LAMA3: variants seen among roughly 807,000 people sequenced by gnomAD.
The protein encoded by LAMA3 is laminin subunit alpha 3.
LAMA3 carries 281 observed loss-of-function variants against 402.0 expected under a neutral mutation model. That is an observed-to-expected ratio of 0.70 (90% CI 0.63 to 0.77). The LOEUF is 0.77. LAMA3 is among the 30% of genes least tolerant of loss of function. The probability of loss-of-function intolerance (pLI) is 0.00; values close to 1 mark genes in which losing one functional copy is unlikely to be tolerated. For synonymous variants in LAMA3, 1,431 were observed against 1,558.4 expected (o/e 0.92, Z 1.93); for missense variants, 3,840 against 4,215.5 (o/e 0.91, Z 2.47).
At chr18:23,803,241 C>A (rs557597567) in intron 12 of LAMA3, among the ~76,000 whole-genome samples, 2 of 152,296 alleles carry the variant, frequency 1.3e-5, no homozygotes, top group South Asian at 4.2e-4. Context: ...AATTAACCTG[C>A]CACCAGGTAG....
chr18:23,841,176 A>C (rs183158011), intron 27 of LAMA3, among the ~76,000 whole-genome samples: 55 of 152,354 alleles, frequency 3.6e-4, no homozygotes, highest in African/African-American at 1.3e-3. Context: ...CAAGAGTTCT[A>C]GTCCTGCTTT....
chr18:23,826,763 C>T lies in LAMA3; in HGVS notation c.2633C>T (p.Thr878Ile), dbSNP rs1200100759. The change falls in exon 22 of 75, where the codon ACA (threonine) becomes ATA (isoleucine). Residue 878 changes from threonine to isoleucine, a missense_variant. Transcript: ENST00000313654. ...YEASVLQLPV[T>I]EPCAYAGPPQ... ...GCCTCTGTACTGCAGCTGCCAGTCA[C>T]AGAACCATGTGCCTACGCAGGACCT... 3.8e-6 allele frequency: 6 copies of T among 1,567,794 alleles called. No homozygotes were observed. Among genetic ancestry groups the T allele is most frequent in the Non-Finnish European group, 5.2e-6 (6 of 1,154,502 alleles).
At position 23,954,788 on chromosome 18, in the gene LAMA3, AC is replaced by A; in HGVS notation, c.*142del. ...ATAGCGAATCTAATTTTGAATTCTGACCATGGATACCCATCACTTTGGCATT... is the reference window on the plus strand; with the variant it reads ...ATAGCGAATCTAATTTTGAATTCTGACATGGATACCCATCACTTTGGCATT... On this transcript the variant is annotated 3_prime_UTR_variant, in exon 75 of 75. Coordinates refer to ENST00000313654, the MANE Select transcript of LAMA3 (RefSeq NM_198129.4). The A allele has an allele frequency of 2.4e-6, 2 of 840,400 alleles. No homozygotes were observed. The allele number at this position is 840,400 out of a possible 1,614,324, so 52.1% of individuals were successfully genotyped here.
intron 12 of LAMA3, among the ~76,000 whole-genome samples, chr18:23,807,783 A>C (rs1482104770): frequency 6.6e-6 from 1 of 152,188 alleles, no homozygotes; most frequent in Non-Finnish European, 1.5e-5. Flanking sequence ...TGTTACTCTC[A>C]TCTAAAAAAT....
intron 42 of LAMA3, 32 bp downstream of exon 42, chr18:23,890,149 A>AT (rs2080608450): frequency 7.1e-7 from 1 of 1,405,458 alleles, no homozygotes; most frequent in Non-Finnish European, 1.0e-6. Flanking sequence ...GCTAACTTGC[A>AT]TTTATAAAGC....
intron 1 of LAMA3, among the ~76,000 whole-genome samples, chr18:23,712,436 T>C (rs778663479): frequency 2.6e-5 from 4 of 151,048 alleles, no homozygotes; most frequent in Admixed American, 6.6e-5. Context: ...ATGCATTTTA[T>C]AGAAAGAATC....
At chr18:23,734,884 G>A (rs773356993) in intron 2 of LAMA3, among the ~76,000 whole-genome samples, 6 of 152,204 alleles carry the variant, frequency 3.9e-5, no homozygotes, top group Non-Finnish European at 8.8e-5. Context: ...ACGGCCAGCA[G>A]GAGCAGGACC....
chr18:23,931,904 T>G (rs1460666629), intron 65 of LAMA3, among the ~76,000 whole-genome samples: 1 of 152,248 alleles, frequency 6.6e-6, no homozygotes. Context: ...CTGTGCACTT[T>G]CTGTACATGA....
chr18:23,785,091 G>A (rs1206473451), intron 12 of LAMA3, among the ~76,000 whole-genome samples: 1 of 152,198 alleles, frequency 6.6e-6, no homozygotes, highest in Middle Eastern at 3.2e-3. Context: ...GAAGCCCATG[G>A]TTGGTGACTT....
chr18:23,746,457 T>C (rs2061652489), intron 2 of LAMA3, among the ~76,000 whole-genome samples: 1 of 152,156 alleles, frequency 6.6e-6, no homozygotes, highest in Non-Finnish European at 1.5e-5. Context: ...CTTCAAATAC[T>C]TCAGCCAAAC....
intron 49 of LAMA3, 24 bp from the exon 50 acceptor site, chr18:23,903,909 T>C (rs768811674): frequency 2.5e-6 from 4 of 1,584,918 alleles, no homozygotes; most frequent in East Asian, 4.5e-5. Context: ...ATTTATACTG[T>C]CTTTGTTTAT....
intron 12 of LAMA3, among the ~76,000 whole-genome samples, chr18:23,799,619 C>T (rs545204160): frequency 7.2e-5 from 11 of 152,262 alleles, no homozygotes; most frequent in African/African-American, 2.4e-4. Context: ...TACCCTAATG[C>T]CCGCATGGAT....
At chr18:23,846,241 G>A in intron 30 of LAMA3, 56 bp from the exon 31 acceptor site, 2 of 1,553,986 alleles carry the variant, frequency 1.3e-6, no homozygotes, top group Non-Finnish European at 1.8e-6. Flanking sequence ...CAAGGTTGAG[G>A]CCACTCCCAT....
chr18:23,785,731 A>G (rs1252493287), intron 12 of LAMA3, among the ~76,000 whole-genome samples: 1 of 152,132 alleles, frequency 6.6e-6, no homozygotes, highest in Admixed American at 6.5e-5. Flanking sequence ...TGTGCAAAAC[A>G]TTCTTGTGGC....
intron 2 of LAMA3, 62 bp downstream of exon 2, chr18:23,714,134 T>G: frequency 1.4e-6 from 2 of 1,434,348 alleles, no homozygotes; most frequent in South Asian, 2.4e-5. Flanking sequence ...TATGGGGATT[T>G]CTGATATAAT....
At chr18:23,854,644 A>T (rs529166768) in intron 32 of LAMA3, among the ~76,000 whole-genome samples, 2 of 150,948 alleles carry the variant, frequency 1.3e-5, no homozygotes, top group East Asian at 2.0e-4. Flanking sequence ...CTGTCTCAAA[A>T]AAATAAATAA....
At position 23,907,552 on chromosome 18, in the gene LAMA3, G is replaced by T; in HGVS notation, c.6721G>T (p.Val2241Phe). The T allele has an allele frequency of 6.2e-7, 1 of 1,607,098 alleles. No homozygotes were observed. The highest frequency in any genetic ancestry group is 8.5e-7 in the Non-Finnish European group (1 of 1,173,686). ...KMTQKKLKQEVSPALNNLQQT... is the reference protein window; with the variant it reads ...KMTQKKLKQEFSPALNNLQQT... The stretch of plus-strand genomic sequence containing the variant: ...CCTGATGCTTTATTTTATTTTAGAA[G>T]TCAGTCCAGCTCTCAACAACCTACA... The change falls in exon 53 of 75, where the codon GTC becomes TTC. Residue 2241 changes from valine to phenylalanine, a missense_variant and splice_region_variant. This residue lies in a region of LAMA3 where 891 missense variants were observed against 857.5 expected (regional missense o/e 1.04). Coordinates refer to ENST00000313654, the MANE Select transcript of LAMA3 (RefSeq NM_198129.4).
intron 38 of LAMA3, among the ~76,000 whole-genome samples, chr18:23,872,329 C>A (rs2064550544): frequency 6.6e-6 from 1 of 152,278 alleles, no homozygotes; most frequent in South Asian, 2.1e-4. Context: ...TCAACCAGAG[C>A]TGTCTTCAGA....
chr18:23,835,352 G>A (rs2063561283), intron 24 of LAMA3, among the ~76,000 whole-genome samples: 2 of 152,200 alleles, frequency 1.3e-5, no homozygotes, highest in South Asian at 4.1e-4. Context: ...AATCATCTCA[G>A]AAGAGCTCTG....
Sources: gnomAD v4.1 joint callset for allele counts (sites outside exome capture counted in the v4.1 genomes callset) on GRCh38, gnomAD v4.1.1 for gene constraint, gnomAD v4.1.1 regional missense constraint, MANE v1.5 for transcripts, NCBI Gene and HGNC (gene_info 2026-07-23, HGNC 2026-07-21) for gene names.